Variants in SPATA13 observed in about 807,000 individuals in gnomAD.
The protein encoded by SPATA13 is spermatogenesis-associated protein 13.
SPATA13 carries 50 observed loss-of-function variants against 104.0 expected under a neutral mutation model. The observed-to-expected ratio is 0.48, with a 90% CI of 0.38 to 0.61. The LOEUF (loss-of-function observed/expected upper bound fraction) is 0.61, where lower values mean the gene tolerates loss of function less well. SPATA13 is among the 20% of genes least tolerant of loss of function. The pLI is 0.00. For synonymous variants in SPATA13, 606 were observed against 667.5 expected (o/e 0.91, Z 1.42); for missense variants, 1,524 against 1,690.6 (o/e 0.90, Z 1.73).
intron 3 of SPATA13, among the ~76,000 whole-genome samples, chr13:24,126,746 G>T (rs1019156501): frequency 1.3e-5 from 2 of 152,014 alleles, no homozygotes; most frequent in South Asian, 2.1e-4. Context: ...TTGTAGAGAT[G>T]CAGTCTCACT....
Position 23,991,455 on chromosome 13 carries a change from C to T in SPATA13, c.-147+7522C>T, listed in dbSNP as rs866115906. On this transcript the variant is annotated intron_variant, in intron 2 of 14. Coordinates refer to the SPATA13 transcript ENST00000424834. ...TTCAGCTGAAGACACTCTCAGATGA[C>T]TTCTTTTCTTGCTCCTCTTTTCTCC... 5.9e-5 allele frequency among the ~76,000 whole-genome samples: 9 copies of T among 152,264 alleles called. No homozygotes were observed. In the Middle Eastern group the frequency reaches 0.01, roughly 173 times the overall value.
chr13:24,160,998 C>T, intron 1 of SPATA13, 66 bp downstream of exon 1: 1 of 931,862 alleles, frequency 1.1e-6, no homozygotes, highest in East Asian at 1.2e-4. Flanking sequence ...GGTAGAATAT[C>T]GGGAGGATTT....
At chr13:24,065,899 A>G (rs898837329) in intron 3 of SPATA13, among the ~76,000 whole-genome samples, 2 of 152,200 alleles carry the variant, frequency 1.3e-5, no homozygotes, top group African/African-American at 4.8e-5. Context: ...TCTGCCACTT[A>G]ACAATTTGAC....
At chr13:24,233,923 ACACACT>A (rs766433486) in intron 2 of SPATA13, among the ~76,000 whole-genome samples, 3 of 144,308 alleles carry the variant, frequency 2.1e-5, no homozygotes, top group Admixed American at 1.4e-4. Flanking sequence ...ACACACACAC[ACACACT>A]GATAAGATTA....
At chr13:24,000,246 C>T (rs1306155384) in intron 2 of SPATA13, among the ~76,000 whole-genome samples, 4 of 152,160 alleles carry the variant, frequency 2.6e-5, no homozygotes. Context: ...GGCTGGGAAG[C>T]CTTCACTGAG....
intron 3 of SPATA13, among the ~76,000 whole-genome samples, chr13:24,094,414 G>A (rs952134457): frequency 3.3e-5 from 5 of 152,118 alleles, no homozygotes; most frequent in African/African-American, 1.2e-4. Context: ...TAGATAACTC[G>A]AAAACTGTCC....
chr13:24,041,556 G>A (rs1877929940), intron 3 of SPATA13, among the ~76,000 whole-genome samples: 1 of 152,242 alleles, frequency 6.6e-6, no homozygotes. Context: ...GTTAAACGAT[G>A]TTGGAAGCAC....
intron 3 of SPATA13, among the ~76,000 whole-genome samples, chr13:24,061,473 C>T (rs923292563): frequency 7.2e-5 from 11 of 152,078 alleles, no homozygotes; most frequent in Non-Finnish European, 1.5e-4. Flanking sequence ...AATCTAAATG[C>T]CCATCCATGG....
At chr13:24,035,228 C>T (rs1364253568) in intron 3 of SPATA13, among the ~76,000 whole-genome samples, 1 of 152,224 alleles carries the variant, frequency 6.6e-6, no homozygotes, top group African/African-American at 2.4e-5. Context: ...AATCTCAGCT[C>T]ATTGCTACCT....
chr13:24,122,139 C>T (rs1881049750), intron 3 of SPATA13: 5 of 1,611,404 alleles, frequency 3.1e-6, no homozygotes, highest in Non-Finnish European at 3.4e-6. Context: ...TTGTATCCTC[C>T]ATGCTTCTCA....
intron 1 of SPATA13, among the ~76,000 whole-genome samples, chr13:24,173,652 G>C (rs1249160451): frequency 6.6e-6 from 1 of 151,900 alleles, no homozygotes; most frequent in Non-Finnish European, 1.5e-5. Flanking sequence ...CTCTAAAAAG[G>C]TTTTAAACTG....
At position 24,007,012 on chromosome 13, in the gene SPATA13, C is replaced by T. The variant is rs189629528; in HGVS notation, c.-146-10655C>T. 7.3e-3 allele frequency among the ~76,000 whole-genome samples: 1,111 copies of T among 152,268 alleles called. 4 individuals are homozygous for T. Among genetic ancestry groups the T allele is most frequent in the Middle Eastern group, 0.02 (6 of 294 alleles). ...CCTCCTTCCTTCCGTGTGGAGCCCC[C>T]TTTCCTCTAGGATGCAGTCTGAAGG... On this transcript the variant is annotated intron_variant, in intron 2 of 14. Coordinates refer to the SPATA13 transcript ENST00000424834.
At chr13:24,056,169 G>A (rs760549476) in intron 3 of SPATA13, among the ~76,000 whole-genome samples, 3 of 152,234 alleles carry the variant, frequency 2.0e-5, no homozygotes, top group Non-Finnish European at 4.4e-5. Flanking sequence ...AATAGAGGAA[G>A]TGAGTCAGTT....
In SPATA13 at chr13:24,249,679, A is replaced by G. The variant is rs1168599165; in HGVS notation, c.1856A>G (p.Asp619Gly). 2.5e-6 allele frequency: 4 copies of G among 1,614,078 alleles called. No individual in the cohort carries two copies. Among genetic ancestry groups the G allele is most frequent in the African/African-American group, 2.7e-5 (2 of 74,932 alleles). ...GACCCCCAGAAGGAAGACCGTGTGGACGAGGACCCCCAGGCAAGCATGACT... is the reference window on the plus strand; with the variant it reads ...GACCCCCAGAAGGAAGACCGTGTGGGCGAGGACCCCCAGGCAAGCATGACT... ...AADPQKEDRV[D>G]EDPQASMTSA... Residue 619 changes from aspartate to glycine, a missense_variant, in exon 3 of 13, where the codon GAC becomes GGC. Transcript: ENST00000382108.
intron 1 of SPATA13, among the ~76,000 whole-genome samples, chr13:24,198,288 G>T (rs745322388): frequency 1.3e-5 from 2 of 152,008 alleles, no homozygotes; most frequent in Non-Finnish European, 2.9e-5. Context: ...CCACCGCACC[G>T]AGCCACCTTG....
intron 3 of SPATA13, among the ~76,000 whole-genome samples, chr13:24,098,685 T>A (rs1593327998): frequency 1.3e-5 from 2 of 151,672 alleles, no homozygotes; most frequent in East Asian, 3.9e-4. Context: ...TCCCAGCACT[T>A]TGGAAGGCTG....
chr13:24,302,530 A>AT (rs1877272900), intron 12 of SPATA13, 68 bp from the exon 13 acceptor site: 1 of 711,166 alleles, frequency 1.4e-6, no homozygotes, highest in Non-Finnish European at 2.1e-6. Flanking sequence ...CAGCATTTTT[A>AT]TTTTTTTCCT....
At position 24,249,575 on chromosome 13, in the gene SPATA13, G is replaced by A. The variant is rs748354552; in HGVS notation, c.1752G>A (p.Arg584=). The A allele has an allele frequency of 3.0e-5, 49 of 1,613,836 alleles. No homozygotes were observed. The highest frequency in any genetic ancestry group is 4.2e-5 in the Non-Finnish European group (49 of 1,179,852). ...TPKRRWGSGR[R]PRPRPFSDYG... ...AGAGGAGATGGGGCTCTGGGAGACG[G>A]CCAAGGCCTCGGCCATTCTCTGACT... Residue 584 remains arginine, a synonymous_variant, in exon 3 of 13, where the codon CGG becomes CGA. Transcript: ENST00000382108.
At chr13:24,090,517 CT>C (rs1451106531) in intron 3 of SPATA13, among the ~76,000 whole-genome samples, 1 of 152,150 alleles carries the variant, frequency 6.6e-6, no homozygotes, top group East Asian at 1.9e-4. Flanking sequence ...ACCTCGCCCT[CT>C]TTTTTCCCAT....
Sources: allele counts gnomAD v4.1 joint callset (sites outside exome capture counted in the v4.1 genomes callset), GRCh38; gene constraint gnomAD v4.1.1; transcripts MANE v1.5; gene names NCBI Gene and HGNC (gene_info 2026-07-23, HGNC 2026-07-21).